The following PXN variants were observed in gnomAD, a reference collection of about 807,000 sequenced individuals.
The protein encoded by PXN is testicular tissue protein Li 134.
A neutral mutation model predicts 103.6 loss-of-function variants in PXN; 61 were observed. The observed-to-expected ratio is 0.59, with a 90% CI of 0.48 to 0.73. The LOEUF (loss-of-function observed/expected upper bound fraction) is 0.73, where lower values mean the gene tolerates loss of function less well. Among genes scored for constraint, PXN ranks in the 30% least tolerant of loss-of-function variants. PXN has a pLI of 0.00. For missense variants in PXN, 1,274 were observed against 1,460.3 expected (o/e 0.87, Z 2.08); for synonymous variants, 562 against 607.8 (o/e 0.92, Z 1.11).
chr12:120,213,743 T>C lies in PXN; in HGVS notation c.2979+99A>G. On this transcript the variant is annotated intron_variant, in intron 14 of 14. Transcript: ENST00000637617. The surrounding 1 kb of genome is among the most constrained non-coding windows in gnomAD (Gnocchi z 4.2). ...TGCTCCCCCAATTAATAACCCCAAA[T>C]GAGGCCTCTGAGTTGGATCCAGACA... 1 of 1,460,710 alleles carries C rather than the reference T, an allele frequency of 6.8e-7. No individual in the cohort carries two copies. The highest frequency in any genetic ancestry group is 9.3e-7 in the Non-Finnish European group (1 of 1,079,728). 90.5% of individuals were successfully genotyped at this position (1,460,710 alleles called of 1,614,324 possible). A position where few individuals can be genotyped will look rare whatever the true frequency, so the allele number is the denominator to read the frequency against.
Position 120,218,796 on chromosome 12 carries a change from G to A in PXN, c.1716+411C>T, listed in dbSNP as rs1404299438. 5.9e-5 allele frequency among the ~76,000 whole-genome samples: 9 copies of A among 152,186 alleles called. No individual in the cohort carries two copies. In the East Asian group the frequency reaches 9.6e-4, roughly 16 times the overall value. ...CAGGAATTATCTCATTTAGGTCTCCGGACAATCTTGATGGAAATTCTCCCC... is the reference window on the plus strand; with the variant it reads ...CAGGAATTATCTCATTTAGGTCTCCAGACAATCTTGATGGAAATTCTCCCC... On this transcript the variant is annotated intron_variant, in intron 7 of 14. Transcript: ENST00000637617.
In PXN at chr12:120,224,338, A is replaced by G; in HGVS notation, c.53T>C (p.Ile18Thr). The G allele has an allele frequency of 6.2e-7, 1 of 1,613,892 alleles. No homozygotes were observed. Among genetic ancestry groups the G allele is most frequent in the African/African-American group, 1.3e-5 (1 of 75,028 alleles). Residue 18 changes from isoleucine to threonine, a missense_variant, in exon 2 of 15, where the codon ATC (isoleucine) becomes ACC (threonine). Coordinates refer to ENST00000637617, the MANE Select transcript of PXN (RefSeq NM_001385981.1). This position sits in a 1 kb window ranked among gnomAD's most constrained non-coding sequence, Gnocchi z 5.0. ...LADLESTTSH[I>T]SKRPVFLSEE... ...CGACAAGAACACAGGCCGTTTGGAG[A>G]TGTGGGAGGTGGTAGACTCCAAGTC...
intron 1 of PXN, among the ~76,000 whole-genome samples, chr12:120,254,080 T>C (rs927960965): frequency 9.9e-5 from 15 of 152,104 alleles, no homozygotes; most frequent in African/African-American, 3.4e-4. Context: ...GGTTTCGCCA[T>C]GTTGGCCAGG....
chr12:120,221,412 C>T lies in PXN; in HGVS notation c.831+211G>A, dbSNP rs747795385. On this transcript the variant is annotated intron_variant, in intron 6 of 14. Transcript: ENST00000637617. The surrounding 1 kb of genome is among the most constrained non-coding windows in gnomAD (Gnocchi z 6.6). Reference sequence around the variant, plus strand: ...CACTTCTCCAGCTTGTCTGCCTTCACTGGCTACTGCAATCCTCAGGCAGGC... The same window carrying T: ...CACTTCTCCAGCTTGTCTGCCTTCATTGGCTACTGCAATCCTCAGGCAGGC... 6.6e-6 allele frequency among the ~76,000 whole-genome samples: 1 copy of T among 152,208 alleles called. No individual in the cohort carries two copies. The highest frequency in any genetic ancestry group is 1.5e-5 in the Non-Finnish European group (1 of 68,040).
At chr12:120,244,533 A>T (rs1169655942) in intron 1 of PXN, among the ~76,000 whole-genome samples, 1 of 151,872 alleles carries the variant, frequency 6.6e-6, no homozygotes. Context: ...CTGTAGTCCC[A>T]GCTACTCGGG....
chr12:120,250,009 CG>C, intron 1 of PXN: 1 of 985,258 alleles, frequency 1.0e-6, no homozygotes, highest in Non-Finnish European at 1.2e-6. Flanking sequence ...GCTGCCAAGT[CG>C]TGTCTCTGAG....
Position 120,265,380 on chromosome 12 carries a change from G to A in PXN, c.13+237C>T, listed in dbSNP as rs938460030. Among the ~76,000 whole-genome samples, 7 of 152,152 alleles carry A rather than the reference G, an allele frequency of 4.6e-5. No homozygotes were observed. The highest frequency in any genetic ancestry group is 8.8e-5 in the Non-Finnish European group (6 of 68,012). On this transcript the variant is annotated intron_variant, in intron 1 of 14. Transcript: ENST00000637617. The surrounding 1 kb of genome is among the most constrained non-coding windows in gnomAD (Gnocchi z 5.7). ...GGTCCCCGAGGTCGGGGGTCCAGAG[G>A]TGAAGCCGTCCCAGACGGGGGGTCG... is the stretch of plus-strand genomic sequence containing the variant.
chr12:120,219,641 C>A lies in PXN; in HGVS notation c.1282G>T (p.Glu428Ter). ...QGPPASPSCP[E>*]EALAATWEQP... ...TCCCATGTGGCAGCCAAGGCCTCCT[C>A]TGGGCACGAAGGGCTGGCTGGTGGC... The change falls in exon 7 of 15, where the codon GAG becomes TAG. Residue 428 changes from glutamate to a stop codon, truncating the protein, a stop_gained. Coordinates refer to ENST00000637617, the MANE Select transcript of PXN (RefSeq NM_001385981.1). LOFTEE classifies it high-confidence loss of function. This position sits in a 1 kb window ranked among gnomAD's most constrained non-coding sequence, Gnocchi z 6.5. The A allele has an allele frequency of 6.3e-7, 1 of 1,576,274 alleles. No homozygotes were observed. Among genetic ancestry groups the A allele is most frequent in the Non-Finnish European group, 8.6e-7 (1 of 1,169,424 alleles).
intron 1 of PXN, among the ~76,000 whole-genome samples, chr12:120,243,837 C>G (rs1890577533): frequency 3.3e-5 from 5 of 152,200 alleles, no homozygotes; most frequent in Admixed American, 3.3e-4. Flanking sequence ...ACACCTCAAG[C>G]TGGTAGGAAC....
In PXN at chr12:120,211,805, T is replaced by G. The variant is rs1880247725; in HGVS notation, c.*509A>C. The G allele has an allele frequency of 4.7e-6, 2 of 424,888 alleles. No homozygotes were observed. The highest frequency in any genetic ancestry group is 9.6e-6 in the Non-Finnish European group (2 of 209,034). The allele number at this position is 424,888 out of a possible 1,614,324, so 26.3% of individuals were successfully genotyped here. ...CACAGAGAACCTTCCATGGCCCCTTTGGTTCTCTGCCTTTGGATGGATGGA... is the reference window on the plus strand; with the variant it reads ...CACAGAGAACCTTCCATGGCCCCTTGGGTTCTCTGCCTTTGGATGGATGGA... On this transcript the variant is annotated 3_prime_UTR_variant, in exon 15 of 15. Coordinates refer to ENST00000637617, the MANE Select transcript of PXN (RefSeq NM_001385981.1).
Position 120,214,482 on chromosome 12 carries a change from A to G in PXN, c.2749-265T>C, listed in dbSNP as rs1881808170. On this transcript the variant is annotated intron_variant, in intron 12 of 14. Transcript: ENST00000637617. This position sits in a 1 kb window ranked among gnomAD's most constrained non-coding sequence, Gnocchi z 5.0. The stretch of plus-strand genomic sequence containing the variant: ...TCTATGACTCCCATTTTATAAGTGA[A>G]GAAACATAGGCTCAGAGAGGCCAGG... Among the ~76,000 whole-genome samples, 1 of 152,234 alleles carries G rather than the reference A, an allele frequency of 6.6e-6. No homozygotes were observed. Among genetic ancestry groups the G allele is most frequent in the South Asian group, 2.1e-4 (1 of 4,828 alleles).
At chr12:120,259,249 G>A (rs896910424) in intron 1 of PXN, among the ~76,000 whole-genome samples, 7 of 151,724 alleles carry the variant, frequency 4.6e-5, no homozygotes, top group Non-Finnish European at 1.5e-5. Flanking sequence ...AAAATTAGCC[G>A]GGTGTGGTGG....
chr12:120,236,801 G>GTATTTATT (rs933671041), intron 1 of PXN, among the ~76,000 whole-genome samples: 1 of 151,258 alleles, frequency 6.6e-6, no homozygotes, highest in East Asian at 2.0e-4. Context: ...TTTTATTTAT[G>GTATTTATT]TATTTATTTA....
chr12:120,260,276 G>A (rs543744440), intron 1 of PXN, among the ~76,000 whole-genome samples: 2 of 152,280 alleles, frequency 1.3e-5, no homozygotes, highest in African/African-American at 2.4e-5. Context: ...TTGGGAGGCC[G>A]AGGCGGGTGG....
Position 120,215,135 on chromosome 12 carries a change from A to C in PXN, c.2542T>G (p.Cys848Gly). 1 of 1,574,688 alleles carries C rather than the reference A, an allele frequency of 6.4e-7. No homozygotes were observed. The highest frequency in any genetic ancestry group is 8.6e-7 in the Non-Finnish European group (1 of 1,157,860). ...LGVATVAKGV[C>G]GACKKPIAGQ... ...GCGATGGGCTTCTTGCAGGCCCCGC[A>C]GACTCCTTTGGCGACTGTGGCGACC... is the stretch of plus-strand genomic sequence containing the variant. The change falls in exon 11 of 15, where the codon TGC becomes GGC. Residue 848 changes from cysteine to glycine, a missense_variant. Around this residue, in one of 2 missense-constraint regions of PXN, gnomAD observed 1,178 missense variants for 1,309.0 expected, o/e 0.90. Transcript: ENST00000637617. This position sits in a 1 kb window ranked among gnomAD's most constrained non-coding sequence, Gnocchi z 4.9.
chr12:120,257,687 T>TCC (rs1399513687), intron 1 of PXN, among the ~76,000 whole-genome samples: 1 of 151,410 alleles, frequency 6.6e-6, no homozygotes, highest in African/African-American at 2.4e-5. Flanking sequence ...ACCAAGGGAG[T>TCC]GGGGATTCCA....
At chr12:120,230,424 T>C (rs1179997178) in intron 1 of PXN, among the ~76,000 whole-genome samples, 1 of 152,190 alleles carries the variant, frequency 6.6e-6, no homozygotes, top group Non-Finnish European at 1.5e-5. Context: ...CTGGGCAGCC[T>C]TGGTAGCTCT....
At position 120,217,919 on chromosome 12, in the gene PXN, G is replaced by GT. The variant is rs77574050; in HGVS notation, c.1717-804dup. ...AGCTAGCCAGGAACTTTTTTAACTA[G>GT]TTTTTTTTTTCTTATTTATATTATT... On this transcript the variant is annotated intron_variant, in intron 7 of 14. Transcript: ENST00000637617. The surrounding 1 kb of genome is among the most constrained non-coding windows in gnomAD (Gnocchi z 4.1). Among the ~76,000 whole-genome samples the GT allele has an allele frequency of 5.5e-4, 80 of 146,168 alleles. 2 individuals are homozygous for GT. Among genetic ancestry groups the GT allele is most frequent in the Admixed American group, 8.2e-4 (12 of 14,654 alleles).
intron 1 of PXN, among the ~76,000 whole-genome samples, chr12:120,245,941 G>A (rs187055306): frequency 5.3e-5 from 8 of 152,216 alleles, no homozygotes; most frequent in East Asian, 1.9e-4. Context: ...TACATTATAC[G>A]TGAAATGGTA....
Sources: gnomAD v4.1 joint callset for allele counts (sites outside exome capture counted in the v4.1 genomes callset) on GRCh38, gnomAD v4.1.1 for gene constraint, gnomAD v4.1.1 regional missense constraint, Gnocchi (gnomAD v3.1) non-coding constraint, MANE v1.5 for transcripts, NCBI Gene and HGNC (gene_info 2026-07-23, HGNC 2026-07-21) for gene names.